Variants in MAP2K1 observed in about 807,000 individuals in gnomAD.
MAP2K1 encodes the protein dual specificity mitogen-activated protein kinase kinase 1.
MAP2K1 carries 16 observed loss-of-function variants against 46.3 expected under a neutral mutation model. The ratio of observed to expected loss-of-function variants is 0.35; its 90% CI spans 0.23 to 0.52. The LOEUF (loss-of-function observed/expected upper bound fraction) is 0.52. Ranked by LOEUF, MAP2K1 falls within the 20% of genes least tolerant of loss-of-function variation. The pLI is 0.94. For missense variants in MAP2K1, 263 were observed against 497.1 expected, an observed-to-expected ratio of 0.53 and a Z score of 4.48; for synonymous variants, 183 against 185.6, an observed-to-expected ratio of 0.99 and a Z score of 0.11.
intron 10 of MAP2K1, 45 bp from the exon 11 acceptor site, chr15:66,490,457 T>C (rs767106355): frequency 9.8e-6 from 14 of 1,426,688 alleles, no homozygotes; most frequent in Non-Finnish European, 1.4e-5. Context: ...GTTTTGTTTT[T>C]TTGTTTCTTT....
rs1182294885 is a variant in MAP2K1, at chr15:66,420,803, G to A, written c.81-14224G>A. On this transcript the variant is annotated intron_variant, in intron 1 of 10. Coordinates refer to ENST00000307102, the MANE Select transcript of MAP2K1 (RefSeq NM_002755.4). ...TGTATATATATGTGTGTATATATAT[G>A]TGTATATATATGTGTATATATATAT... 1.1e-3 allele frequency among the ~76,000 whole-genome samples: 108 copies of A among 95,132 alleles called. 4 individuals are homozygous for A. The highest frequency in any genetic ancestry group is 3.7e-3 in the African/African-American group (100 of 27,124). 62.4% of individuals were successfully genotyped at this position (95,132 alleles called of 152,430 possible).
chr15:66,485,589 G>A (rs529874991), intron 7 of MAP2K1, among the ~76,000 whole-genome samples: 2 of 151,696 alleles, frequency 1.3e-5, no homozygotes, highest in Non-Finnish European at 2.9e-5. Context: ...TTATTTGCGG[G>A]GGTTGGGAGG....
Position 66,489,753 on chromosome 15 carries a change from A to G in MAP2K1, c.1058A>G (p.Lys353Arg), listed in dbSNP as rs1346378801. ...AACCCCGCAGAGAGAGCAGATTTGA[A>G]GCAACTCATGGTGAGTCTATTTATT... ...IKNPAERADL[K>R]QLMVHAFIKR... Residue 353 changes from lysine to arginine, a missense_variant, in exon 10 of 11, where the codon AAG (lysine) becomes AGG (arginine). Transcript: ENST00000307102. 1 of 1,613,678 alleles carries G rather than the reference A, an allele frequency of 6.2e-7. No homozygotes were observed. Among genetic ancestry groups the G allele is most frequent in the South Asian group, 1.1e-5 (1 of 91,078 alleles).
intron 5 of MAP2K1, among the ~76,000 whole-genome samples, chr15:66,447,146 C>T (rs1891890215): frequency 6.6e-6 from 1 of 151,708 alleles, no homozygotes; most frequent in Non-Finnish European, 1.5e-5. Context: ...TTAGGTGATA[C>T]ATCACTGGTG....
At chr15:66,460,079 C>A (rs1233689120) in intron 5 of MAP2K1, among the ~76,000 whole-genome samples, 1 of 152,228 alleles carries the variant, frequency 6.6e-6, no homozygotes, top group African/African-American at 2.4e-5. Context: ...CTCCTGGCTA[C>A]ATCTCTCTCC....
At chr15:66,445,157 T>TG (rs66489967) in intron 5 of MAP2K1, among the ~76,000 whole-genome samples, 65,510 of 105,914 alleles carry the variant, frequency 0.62, 16,893 homozygotes, top group Non-Finnish European at 0.67. Flanking sequence ...CGGGGGGAGG[T>TG]GGGGGGGTGG....
intron 5 of MAP2K1, among the ~76,000 whole-genome samples, chr15:66,472,448 T>G (rs1375240072): frequency 6.6e-6 from 1 of 152,246 alleles, no homozygotes; most frequent in Non-Finnish European, 1.5e-5. Context: ...TTTTTCTCAC[T>G]TCAATTAGAA....
At chr15:66,397,295 G>A (rs371228769) in intron 1 of MAP2K1, among the ~76,000 whole-genome samples, 9 of 152,190 alleles carry the variant, frequency 5.9e-5, no homozygotes, top group South Asian at 2.1e-4. Flanking sequence ...GAGCCACGGC[G>A]CCCGGCCTGT....
chr15:66,444,404 A>G (rs1034093429), intron 4 of MAP2K1, among the ~76,000 whole-genome samples: 1 of 151,624 alleles, frequency 6.6e-6, no homozygotes, highest in African/African-American at 2.4e-5. Flanking sequence ...GTGGTAGCGC[A>G]TGCCCGTAAT....
intron 2 of MAP2K1, among the ~76,000 whole-genome samples, chr15:66,436,219 G>C (rs1166033483): frequency 6.6e-6 from 1 of 152,134 alleles, no homozygotes; most frequent in Non-Finnish European, 1.5e-5. Context: ...GATTTTTTTA[G>C]AAGTTCAACC....
At chr15:66,454,084 C>T (rs1003822880) in intron 5 of MAP2K1, among the ~76,000 whole-genome samples, 2 of 152,184 alleles carry the variant, frequency 1.3e-5, no homozygotes, top group Admixed American at 6.5e-5. Flanking sequence ...CCTCTTTCCC[C>T]ATCCTCTGTG....
chr15:66,480,780 GTCTGC>G (rs1180146876), intron 5 of MAP2K1, among the ~76,000 whole-genome samples: 3 of 152,048 alleles, frequency 2.0e-5, no homozygotes, highest in African/African-American at 7.2e-5. Context: ...CCTAGATATG[GTCTGC>G]CCTCAAAGTG....
chr15:66,392,415 G>A (rs2093358779), intron 1 of MAP2K1, among the ~76,000 whole-genome samples: 1 of 151,288 alleles, frequency 6.6e-6, no homozygotes, highest in Admixed American at 6.6e-5. Context: ...TTGGGCTCAA[G>A]CGATCTGCCC....
chr15:66,443,446 T>G, intron 4 of MAP2K1, 89 bp downstream of exon 4: 1 of 833,486 alleles, frequency 1.2e-6, no homozygotes, highest in Non-Finnish European at 2.1e-6. Flanking sequence ...AGATGGGAAG[T>G]CAATGAGGGG....
intron 5 of MAP2K1, among the ~76,000 whole-genome samples, chr15:66,481,171 T>C (rs1892904645): frequency 6.6e-6 from 1 of 151,946 alleles, no homozygotes. Flanking sequence ...CTGTGTAGGC[T>C]GTTAGGTGAG....
In MAP2K1 at chr15:66,420,869, G is replaced by T. The variant is rs796899302; in HGVS notation, c.81-14158G>T. Among the ~76,000 whole-genome samples the T allele has an allele frequency of 8.6e-5, 11 of 127,390 alleles. 1 individual carries two copies. The highest frequency in any genetic ancestry group is 3.2e-4 in the African/African-American group (11 of 34,718). 83.6% of individuals were successfully genotyped at this position (127,390 alleles called of 152,430 possible). ...TGTATATATATGTGTGTATATATAT[G>T]TGTGTATATATATGTGTATATATAC... On this transcript the variant is annotated intron_variant, in intron 1 of 10. Transcript: ENST00000307102.
At chr15:66,461,012 T>G (rs1892305768) in intron 5 of MAP2K1, among the ~76,000 whole-genome samples, 1 of 152,142 alleles carries the variant, frequency 6.6e-6, no homozygotes, top group African/African-American at 2.4e-5. Context: ...TCATTTCTAA[T>G]GGAAACCTGA....
chr15:66,391,877 G>GTA, intron 1 of MAP2K1, among the ~76,000 whole-genome samples: 1 of 152,274 alleles, frequency 6.6e-6, no homozygotes, highest in African/African-American at 2.4e-5. Context: ...GGTTTTGTAT[G>GTA]TATCTGCTTA....
In MAP2K1 at chr15:66,484,979, C is replaced by A; in HGVS notation, c.694-11C>A. 6.2e-7 allele frequency: 1 copy of A among 1,611,368 alleles called. No individual in the cohort carries two copies. Among genetic ancestry groups the A allele is most frequent in the South Asian group, 1.1e-5 (1 of 90,984 alleles). On this transcript the variant is annotated splice_polypyrimidine_tract_variant and intron_variant, in intron 6 of 10. Transcript: ENST00000307102. Reference sequence around the variant, plus strand: ...AGGTTAGGTGATTATCACTGTCTGTCTCTCCTGCAGCCAGAAAGACTCCAG... The same window carrying A: ...AGGTTAGGTGATTATCACTGTCTGTATCTCCTGCAGCCAGAAAGACTCCAG...
Sources: allele counts gnomAD v4.1 joint callset (sites outside exome capture counted in the v4.1 genomes callset), GRCh38; gene constraint gnomAD v4.1.1; transcripts MANE v1.5; gene names NCBI Gene and HGNC (gene_info 2026-07-23, HGNC 2026-07-21).